VPS13C: variants seen among roughly 807,000 people sequenced by gnomAD.
The protein encoded by VPS13C is intermembrane lipid transfer protein VPS13C.
VPS13C carries 358 observed loss-of-function variants against 456.8 expected under a neutral mutation model. The observed-to-expected ratio is 0.78, with a 90% CI of 0.72 to 0.86. VPS13C has a LOEUF of 0.86. Among genes scored for constraint, VPS13C ranks in the 40% least tolerant of loss-of-function variants. VPS13C has a pLI of 0.00. For missense variants in VPS13C, 4,818 were observed against 4,385.4 expected, an observed-to-expected ratio of 1.10 and a Z score of -2.79; for synonymous variants, 1,578 against 1,486.7, an observed-to-expected ratio of 1.06 and a Z score of -1.41.
chr15:61,858,704 A>G lies in VPS13C; in HGVS notation c.10953-2295T>C, dbSNP rs1349428056. Among the ~76,000 whole-genome samples the G allele has an allele frequency of 6.6e-6, 1 of 152,212 alleles. No individual in the cohort carries two copies. The highest frequency in any genetic ancestry group is 2.4e-5 in the African/African-American group (1 of 41,456). Reference sequence around the variant, plus strand: ...GACTATAAATCTGCGTAAGAGACCAAGAAGTCAGAGATTCAAAGCACCCTT... The same window carrying G: ...GACTATAAATCTGCGTAAGAGACCAGGAAGTCAGAGATTCAAAGCACCCTT... On this transcript the variant is annotated intron_variant, in intron 82 of 84. Coordinates refer to ENST00000644861, the MANE Select transcript of VPS13C (RefSeq NM_020821.3). This position sits in a 1 kb window ranked among gnomAD's most constrained non-coding sequence, Gnocchi z 4.4.
At chr15:61,901,831 T>G (rs1370652935) in intron 66 of VPS13C, among the ~76,000 whole-genome samples, 1 of 152,132 alleles carries the variant, frequency 6.6e-6, no homozygotes, top group African/African-American at 2.4e-5. Context: ...ATTGCGGAAT[T>G]ATTCACAATA....
intron 27 of VPS13C, 140 bp from the exon 28 acceptor site, chr15:61,969,592 T>C (rs2045484624): frequency 2.3e-6 from 1 of 428,770 alleles, no homozygotes; most frequent in African/African-American, 2.0e-5. Context: ...AGCAATTTAA[T>C]ATAATTGGAA....
intron 52 of VPS13C, among the ~76,000 whole-genome samples, chr15:61,926,216 T>C (rs1323707058): frequency 6.6e-6 from 1 of 152,020 alleles, no homozygotes; most frequent in African/African-American, 2.4e-5. Flanking sequence ...CTGCACAATA[T>C]AGCAAGACCC....
chr15:62,018,210 T>C (rs2047328420), intron 9 of VPS13C, among the ~76,000 whole-genome samples: 1 of 152,180 alleles, frequency 6.6e-6, no homozygotes. Context: ...GTTTTCTAGA[T>C]ATACAATCAT....
intron 9 of VPS13C, among the ~76,000 whole-genome samples, chr15:62,017,807 T>C (rs1222466600): frequency 1.3e-5 from 2 of 152,206 alleles, no homozygotes; most frequent in Admixed American, 6.5e-5. Flanking sequence ...AAGTAGTTTT[T>C]TCCAATTCTG....
chr15:61,933,234 G>A (rs763719902), intron 49 of VPS13C, among the ~76,000 whole-genome samples: 1 of 152,022 alleles, frequency 6.6e-6, no homozygotes, highest in African/African-American at 2.4e-5. Context: ...GCAGAATGAT[G>A]GTACCAAGTA....
intron 61 of VPS13C, among the ~76,000 whole-genome samples, chr15:61,913,750 T>C (rs1050807616): frequency 2.6e-5 from 4 of 152,304 alleles, no homozygotes; most frequent in Middle Eastern, 3.4e-3. Flanking sequence ...ACTTATGACA[T>C]AGAGCTAACA....
intron 38 of VPS13C, among the ~76,000 whole-genome samples, chr15:61,952,479 T>C (rs1271416640): frequency 1.3e-5 from 2 of 152,164 alleles, no homozygotes; most frequent in Non-Finnish European, 2.9e-5. Context: ...ACAAAGAATA[T>C]TTAAAAGGTC....
chr15:62,050,805 CAA>C (rs34228451), intron 1 of VPS13C, among the ~76,000 whole-genome samples: 11 of 55,886 alleles, frequency 2.0e-4, no homozygotes, highest in African/African-American at 3.9e-4. Context: ...GACCCAGTCT[CAA>C]AAAAAAAAAA....
chr15:62,024,013 C>T (rs1026254208), intron 6 of VPS13C, among the ~76,000 whole-genome samples, 168 bp from the exon 7 acceptor site: 5 of 152,032 alleles, frequency 3.3e-5, no homozygotes, highest in African/African-American at 4.8e-5. Context: ...ATTTACAAAC[C>T]TTCTTTAGTC....
At chr15:61,863,833 T>C in intron 81 of VPS13C, 1 of 220,040 alleles carries the variant, frequency 4.5e-6, no homozygotes, top group East Asian at 1.2e-4. Context: ...TCACACACTT[T>C]AATTAAGAAA....
chr15:61,917,146 A>G (rs2043497615), intron 60 of VPS13C, among the ~76,000 whole-genome samples, 195 bp downstream of exon 60: 1 of 152,196 alleles, frequency 6.6e-6, no homozygotes, highest in South Asian at 2.1e-4. Context: ...ATAGGCTAAT[A>G]CATGTAAAGC....
At chr15:61,929,136 C>T (rs554978348) in intron 51 of VPS13C, among the ~76,000 whole-genome samples, 23 of 152,248 alleles carry the variant, frequency 1.5e-4, no homozygotes, top group Admixed American at 2.0e-4. Flanking sequence ...CCGTGTTCTG[C>T]TTTAATATTT....
At chr15:61,873,448 G>C (rs1477173854) in intron 77 of VPS13C, 39 bp from the exon 78 acceptor site, 1 of 1,593,402 alleles carries the variant, frequency 6.3e-7, no homozygotes, top group African/African-American at 1.3e-5. Flanking sequence ...AATATACAAG[G>C]AACTATACAA....
chr15:61,878,710 C>G lies in VPS13C; in HGVS notation c.10039G>C (p.Glu3347Gln), dbSNP rs559514846. The change falls in exon 74 of 85, where the codon GAA (glutamate) becomes CAA (glutamine). Residue 3347 changes from glutamate (E) to glutamine (Q), a missense_variant. By Grantham distance (29) the Glu-to-Gln change is conservative (BLOSUM62 2). Around this residue, in one of 3 missense-constraint regions of VPS13C, gnomAD observed 4,552 missense variants for 4,130.6 expected, o/e 1.10. Transcript: ENST00000644861. Reference protein sequence around the residue: ...LSLSLGSGGEESDKEKQEMFA... With the variant: ...LSLSLGSGGEQSDKEKQEMFA... ...ATTTCCTGTTTTTCTTTGTCTGATT[C>G]TTCACCTCCGGAACCCAAAGACAAA... is the stretch of plus-strand genomic sequence containing the variant. The G allele has an allele frequency of 1.2e-6, 2 of 1,610,468 alleles. No homozygotes were observed. Among genetic ancestry groups the G allele is most frequent in the African/African-American group, 1.3e-5 (1 of 74,834 alleles).
intron 66 of VPS13C, among the ~76,000 whole-genome samples, chr15:61,891,237 G>C (rs2042641372): frequency 6.6e-6 from 1 of 151,994 alleles, no homozygotes; most frequent in Non-Finnish European, 1.5e-5. Context: ...CTTTGTTCTG[G>C]GTTTAATGAA....
rs779510313 is a variant in VPS13C, at chr15:61,974,275, T to G, written c.2538+13A>C. ...ATAAAAATAGGGTTATACATTTTAT[T>G]GTATCTATTTACCTGTCTCTCTGGA... On this transcript the variant is annotated intron_variant, in intron 25 of 84. Coordinates refer to ENST00000644861, the MANE Select transcript of VPS13C (RefSeq NM_020821.3). 8.7e-6 allele frequency: 14 copies of G among 1,606,500 alleles called. No individual in the cohort carries two copies. Among genetic ancestry groups the G allele is most frequent in the African/African-American group, 2.7e-5 (2 of 74,724 alleles).
Position 61,929,500 on chromosome 15 carries a change from C to T in VPS13C, c.6286+1G>A. On this transcript the variant is annotated splice_donor_variant, in intron 51 of 84. Coordinates refer to ENST00000644861, the MANE Select transcript of VPS13C (RefSeq NM_020821.3). LOFTEE classifies it high-confidence loss of function. Reference sequence around the variant, plus strand: ...ATCTATGACAGATAAATTCTGCTAACCTTTCTCTATCTTGACCTTCCCTGT... The same window carrying T: ...ATCTATGACAGATAAATTCTGCTAATCTTTCTCTATCTTGACCTTCCCTGT... 3.7e-6 allele frequency: 6 copies of T among 1,612,714 alleles called. No homozygotes were observed. The highest frequency in any genetic ancestry group is 2.2e-5 in the East Asian group (1 of 44,810).
At chr15:62,001,493 G>T (rs548168203) in intron 15 of VPS13C, among the ~76,000 whole-genome samples, 15 of 151,764 alleles carry the variant, frequency 9.9e-5, no homozygotes, top group South Asian at 4.2e-4. Context: ...TATTTTTTTT[G>T]ATTATTTGTT....
Sources: allele counts gnomAD v4.1 joint callset (sites outside exome capture counted in the v4.1 genomes callset), GRCh38; gene constraint gnomAD v4.1.1; regional missense constraint gnomAD v4.1.1; non-coding constraint Gnocchi (gnomAD v3.1); transcripts MANE v1.5; gene names NCBI Gene and HGNC (gene_info 2026-07-23, HGNC 2026-07-21).